Variants in COQ5 observed in about 807,000 individuals in gnomAD.
COQ5 encodes coenzyme Q5, methyltransferase.
A neutral mutation model predicts 40.5 loss-of-function variants in COQ5; 27 were observed. The ratio of observed to expected loss-of-function variants is 0.67; its 90% confidence interval spans 0.49 to 0.92. The LOEUF is 0.92. COQ5 is among the 40% of genes least tolerant of loss of function. The pLI is 0.00. For missense variants in COQ5, 409 were observed against 406.4 expected (o/e 1.01, Z -0.06); for synonymous variants, 141 against 150.0 (o/e 0.94, Z 0.44).
At chr12:120,528,636 T>C (rs938762188) in intron 1 of COQ5, among the ~76,000 whole-genome samples, 2 of 151,852 alleles carry the variant, frequency 1.3e-5, no homozygotes, top group African/African-American at 4.8e-5. Context: ...ACCCCATCTC[T>C]AGTAAGAATA....
intron 2 of COQ5, 59 bp from the exon 3 acceptor site, chr12:120,516,847 A>G (rs1869399888): frequency 2.0e-6 from 3 of 1,484,356 alleles, no homozygotes; most frequent in Non-Finnish European, 2.8e-6. Context: ...AAAGGAAGAA[A>G]CAGCATTTCC....
At chr12:120,518,667 C>A (rs1433550833) in intron 2 of COQ5, among the ~76,000 whole-genome samples, 2 of 151,892 alleles carry the variant, frequency 1.3e-5, no homozygotes, top group Non-Finnish European at 2.9e-5. Flanking sequence ...CAGGTTAAAG[C>A]AATTCTCCTG....
At chr12:120,524,667 G>A (rs1025835388) in intron 1 of COQ5, among the ~76,000 whole-genome samples, 1 of 152,184 alleles carries the variant, frequency 6.6e-6, no homozygotes, top group Non-Finnish European at 1.5e-5. Flanking sequence ...GGATAATGAA[G>A]AGGAGATGCT....
intron 1 of COQ5, chr12:120,526,399 C>T (rs1025111119): frequency 2.3e-5 from 10 of 442,738 alleles, no homozygotes; most frequent in African/African-American, 2.0e-4. Flanking sequence ...ATTGACACTG[C>T]TGCCACTGGA....
chr12:120,509,324 C>G (rs551985245), intron 4 of COQ5, among the ~76,000 whole-genome samples: 1 of 152,074 alleles, frequency 6.6e-6, no homozygotes, highest in Admixed American at 6.6e-5. Context: ...CGAGATCAAC[C>G]TGGGCAACAT....
chr12:120,519,688 T>C (rs1869550388), intron 2 of COQ5, among the ~76,000 whole-genome samples: 1 of 152,000 alleles, frequency 6.6e-6, no homozygotes, highest in Non-Finnish European at 1.5e-5. Context: ...CTGACCAACA[T>C]GGAGAAACTC....
rs759575749 is a variant in COQ5, at chr12:120,516,660, A to G, written c.481T>C (p.Ser161Pro). 8.1e-6 allele frequency: 13 copies of G among 1,614,100 alleles called. No homozygotes were observed. In the Admixed American group the frequency reaches 1.5e-4, roughly 19 times the overall value. The change falls in exon 3 of 7, where the codon TCC becomes CCC. Residue 161 changes from serine (S) to proline (P), a missense_variant. Ser to Pro is a moderately conservative substitution (Grantham distance 74). Transcript: ENST00000288532. ...ACCACGACACGAGACCCGCCCAAGG[A>G]ATCTTCTTCATTCTGGTACTCTTTG... ...IAKEYQNEED[S>P]LGGSRVVVCD...
intron 3 of COQ5, among the ~76,000 whole-genome samples, chr12:120,515,439 T>C (rs1869337598): frequency 6.6e-6 from 1 of 152,234 alleles, no homozygotes; most frequent in African/African-American, 2.4e-5. Context: ...GAGCTTGCAG[T>C]AATCTCACAG....
At position 120,525,363 on chromosome 12, in the gene COQ5, C is replaced by T. The variant is rs896534907; in HGVS notation, c.203-3000G>A. Among the ~76,000 whole-genome samples, 3 of 152,078 alleles carry T rather than the reference C, an allele frequency of 2.0e-5. 1 individual carries two copies. Among genetic ancestry groups the T allele is most frequent in the Non-Finnish European group, 4.4e-5 (3 of 67,968 alleles). ...CTGCCCACCTCAGCCTCCCAAAGTA[C>T]TGGGATTACAGGCGTGAGCCACCAC... On this transcript the variant is annotated intron_variant, in intron 1 of 6. Transcript: ENST00000288532.
chr12:120,510,127 A>G lies in COQ5; in HGVS notation c.575-4T>C. On this transcript the variant is annotated splice_region_variant and splice_polypyrimidine_tract_variant and intron_variant, in intron 3 of 6. Coordinates refer to ENST00000288532, the MANE Select transcript of COQ5 (RefSeq NM_032314.4). Reference sequence around the variant, plus strand: ...TCTCCTAATACCCATGCAAGTCCTGAAAGAGAAAGTGAGTTCCGGGTCTCA... The same window carrying G: ...TCTCCTAATACCCATGCAAGTCCTGGAAGAGAAAGTGAGTTCCGGGTCTCA... The G allele has an allele frequency of 1.2e-6, 2 of 1,610,904 alleles. No homozygotes were observed. The highest frequency in any genetic ancestry group is 3.3e-4 in the Middle Eastern group (2 of 6,060).
chr12:120,529,066 G>A lies in COQ5; in HGVS notation c.76C>T (p.Leu26Phe), dbSNP rs1870099375. ...GWSRAMRGCQ[L>F]LGLRSSWPGD... The stretch of plus-strand genomic sequence containing the variant: ...GGCCAAGAGCTACGAAGCCCGAGGA[G>A]CTGGCAGCCCCGCATCGCCCGCGAC... The change falls in exon 1 of 7, where the codon CTC becomes TTC. Residue 26 changes from leucine (L) to phenylalanine (F), a missense_variant. Coordinates refer to ENST00000288532, the MANE Select transcript of COQ5 (RefSeq NM_032314.4). 1.2e-6 allele frequency: 2 copies of A among 1,614,142 alleles called. No homozygotes were observed. The highest frequency in any genetic ancestry group is 2.2e-5 in the South Asian group (2 of 91,082).
chr12:120,518,575 T>C (rs141724542), intron 2 of COQ5, among the ~76,000 whole-genome samples: 16 of 151,756 alleles, frequency 1.1e-4, no homozygotes, highest in Admixed American at 1.0e-3. Flanking sequence ...TCTTTTTTTT[T>C]TTTTCCCTGA....
rs1020997125 is a variant in COQ5, at chr12:120,503,987, G to A, written c.865C>T (p.Arg289Ter). ...KSYQYLVESI[R>*]RFPSQEEFKD... ...TTTCATACCTGAGACGGAAACCTTC[G>A]GATACTCTCTACAAGGTACTGATAG... Residue 289 changes from arginine (R) to a stop codon, truncating the protein, a stop_gained, in exon 6 of 7, where the codon CGA becomes TGA. Transcript: ENST00000288532. LOFTEE classifies it high-confidence loss of function. The A allele has an allele frequency of 1.2e-6, 2 of 1,611,928 alleles. No homozygotes were observed. The highest frequency in any genetic ancestry group is 1.7e-6 in the Non-Finnish European group (2 of 1,178,016).
At chr12:120,513,787 TG>T (rs71451889) in intron 3 of COQ5, among the ~76,000 whole-genome samples, 1 of 152,076 alleles carries the variant, frequency 6.6e-6, no homozygotes, top group African/African-American at 2.4e-5. Flanking sequence ...CCCAAAGTGC[TG>T]GGATTACAGG....
intron 3 of COQ5, among the ~76,000 whole-genome samples, chr12:120,516,229 AC>A (rs1869366898): frequency 6.6e-6 from 1 of 152,130 alleles, no homozygotes; most frequent in South Asian, 2.1e-4. Flanking sequence ...TGACAGCAAA[AC>A]TTCTGTCTCA....
intron 5 of COQ5, 135 bp from the exon 6 acceptor site, chr12:120,504,216 G>A (rs1305091341): frequency 2.9e-6 from 2 of 685,256 alleles, no homozygotes; most frequent in African/African-American, 3.6e-5. Context: ...CCTGAATTAA[G>A]TGGGTCAGGT....
intron 3 of COQ5, among the ~76,000 whole-genome samples, chr12:120,511,960 C>G (rs1012010458): frequency 6.6e-6 from 1 of 152,084 alleles, no homozygotes; most frequent in African/African-American, 2.4e-5. Flanking sequence ...GCCTGTAATC[C>G]CAGCACTTTG....
intron 2 of COQ5, among the ~76,000 whole-genome samples, chr12:120,517,120 G>C (rs554921236): frequency 1.5e-4 from 23 of 152,076 alleles, no homozygotes; most frequent in African/African-American, 5.3e-4. Context: ...GCTGAGACTG[G>C]GGGATCACCT....
chr12:120,506,178 G>T (rs1868874487), intron 4 of COQ5, among the ~76,000 whole-genome samples: 1 of 152,004 alleles, frequency 6.6e-6, no homozygotes, highest in Non-Finnish European at 1.5e-5. Context: ...TAAATAAAAA[G>T]TATAGGAAGC....
Sources: gnomAD v4.1 joint callset for allele counts (sites outside exome capture counted in the v4.1 genomes callset) on GRCh38, gnomAD v4.1.1 for gene constraint, MANE v1.5 for transcripts, NCBI Gene and HGNC (gene_info 2026-07-23, HGNC 2026-07-21) for gene names.